KHDRBS2: variants seen among roughly 807,000 people sequenced by gnomAD.
The protein encoded by KHDRBS2 is KH domain-containing, RNA-binding, signal transduction-associated protein 2.
In KHDRBS2, 26 loss-of-function variants were observed where a neutral mutation model predicts 44.3. The observed-to-expected ratio is 0.59, with a 90% CI of 0.43 to 0.81. The LOEUF (loss-of-function observed/expected upper bound fraction) is 0.81. KHDRBS2 is among the 40% of genes least tolerant of loss of function. KHDRBS2 has a pLI of 0.00. For missense variants in KHDRBS2, 476 were observed against 433.1 expected, an observed-to-expected ratio of 1.10 and a Z score of -0.88; for synonymous variants, 194 against 151.1, an observed-to-expected ratio of 1.28 and a Z score of -2.08.
chr6:61,879,974 T>C (rs1285455162), intron 6 of KHDRBS2, among the ~76,000 whole-genome samples: 1 of 151,824 alleles, frequency 6.6e-6, no homozygotes, highest in Admixed American at 6.6e-5. Flanking sequence ...AAATTTAGCA[T>C]TGTAGGAAAA....
rs70993202 is a variant in KHDRBS2 at position 62,109,100 on chromosome 6, T to TAA, written c.220-61108_220-61107dup. Among the ~76,000 whole-genome samples, 169 of 140,662 alleles carry TAA rather than the reference T, an allele frequency of 1.2e-3. 2 individuals are homozygous for TAA. The South Asian group carries it at 0.013, about 11-fold the overall frequency. 92.3% of individuals were successfully genotyped at this position (140,662 alleles called of 152,430 possible). On this transcript the variant is annotated intron_variant, in intron 2 of 8. Transcript: ENST00000281156. ...TACCCTAAAACTTAAAGTATAATAA[T>TAA]AAAAAAAAAAAAGAAGCCAACAGTT...
At chr6:61,586,653 G>A in the KHDRBS2 span, among the ~76,000 whole-genome samples, 2 of 152,076 alleles carry the variant, frequency 1.3e-5, no homozygotes, top group Non-Finnish European at 2.9e-5. Flanking sequence ...TTTTCTACTT[G>A]AGGTTCTAGT....
the KHDRBS2 span, among the ~76,000 whole-genome samples, chr6:61,642,749 C>T: frequency 1.3e-5 from 2 of 151,952 alleles, no homozygotes; most frequent in South Asian, 4.2e-4. Flanking sequence ...GCCTATGTGC[C>T]TACATAAATA....
intron 3 of KHDRBS2, among the ~76,000 whole-genome samples, chr6:62,047,355 C>T (rs1012331704): frequency 1.3e-5 from 2 of 151,806 alleles, no homozygotes; most frequent in African/African-American, 4.8e-5. Context: ...TCTTATTGTT[C>T]TTTTGGGGGT....
chr6:62,189,222 G>T (rs2150130269), intron 1 of KHDRBS2, among the ~76,000 whole-genome samples: 1 of 152,190 alleles, frequency 6.6e-6, no homozygotes, highest in East Asian at 1.9e-4. Flanking sequence ...CTATGTAGAG[G>T]TCCATGTTGT....
intron 3 of KHDRBS2, among the ~76,000 whole-genome samples, chr6:62,001,326 TTAAG>T (rs1158481877): frequency 1.3e-5 from 2 of 151,988 alleles, no homozygotes; most frequent in South Asian, 2.1e-4. Context: ...GAATAGAATA[TTAAG>T]TAAGTTTATT....
At chr6:61,726,668 G>T (rs1453555982) in intron 7 of KHDRBS2, among the ~76,000 whole-genome samples, 2 of 151,746 alleles carry the variant, frequency 1.3e-5, no homozygotes, top group Non-Finnish European at 2.9e-5. Context: ...AACTCCCATT[G>T]ATCACTGCCA....
chr6:61,942,360 G>A (rs191327028), intron 4 of KHDRBS2, among the ~76,000 whole-genome samples: 111 of 151,498 alleles, frequency 7.3e-4, no homozygotes, highest in African/African-American at 2.6e-3. Context: ...ATATGAATGA[G>A]AAATTTACCA....
At chr6:62,083,472 C>T (rs528750301) in intron 2 of KHDRBS2, among the ~76,000 whole-genome samples, 27 of 152,178 alleles carry the variant, frequency 1.8e-4, no homozygotes, top group Non-Finnish European at 2.8e-4. Flanking sequence ...GAGGCTGTCA[C>T]ACTGACCCTC....
intron 6 of KHDRBS2, among the ~76,000 whole-genome samples, chr6:61,809,229 A>G (rs1787701296): frequency 6.6e-6 from 1 of 152,170 alleles, no homozygotes; most frequent in Admixed American, 6.6e-5. Context: ...GCAGGCATAA[A>G]AAATCAATAG....
At chr6:62,055,571 T>C (rs1462719592) in intron 2 of KHDRBS2, among the ~76,000 whole-genome samples, 1 of 152,032 alleles carries the variant, frequency 6.6e-6, no homozygotes, top group Non-Finnish European at 1.5e-5. Flanking sequence ...TTCCTAGATA[T>C]ATCATCCAGA....
intron 3 of KHDRBS2, among the ~76,000 whole-genome samples, chr6:61,983,248 T>TCTTTCTTTCTTTCTTTCTTTCTTTCTTTC (rs1416908763): frequency 4.7e-5 from 2 of 42,676 alleles, no homozygotes; most frequent in African/African-American, 1.9e-4. Context: ...TTTTTTTTTT[T>TCTTTCTTTCTTTCTTTCTTTCTTTCTTTC]TTTTTTTTTA....
intron 3 of KHDRBS2, among the ~76,000 whole-genome samples, chr6:62,040,721 A>G (rs1786295905): frequency 6.6e-6 from 1 of 152,104 alleles, no homozygotes; most frequent in Non-Finnish European, 1.5e-5. Flanking sequence ...GGATTTTCAG[A>G]ATCCTTTCAA....
At chr6:61,896,915 G>A (rs1390846352) in intron 5 of KHDRBS2, among the ~76,000 whole-genome samples, 2 of 152,044 alleles carry the variant, frequency 1.3e-5, no homozygotes, top group African/African-American at 2.4e-5. Flanking sequence ...TGTTTCTTTG[G>A]ACTTTTATGA....
intron 6 of KHDRBS2, among the ~76,000 whole-genome samples, chr6:61,781,263 T>A (rs1293760169): frequency 6.6e-6 from 1 of 152,148 alleles, no homozygotes; most frequent in Non-Finnish European, 1.5e-5. Context: ...CTCAACTCCA[T>A]ATTTATATGT....
At chr6:62,070,670 C>A (rs908706171) in intron 2 of KHDRBS2, among the ~76,000 whole-genome samples, 1 of 152,118 alleles carries the variant, frequency 6.6e-6, no homozygotes, top group African/African-American at 2.4e-5. Context: ...GACATGAACT[C>A]ATCATTTTTT....
chr6:62,165,728 A>C (rs773460965), intron 2 of KHDRBS2, among the ~76,000 whole-genome samples: 15 of 151,944 alleles, frequency 9.9e-5, no homozygotes, highest in Non-Finnish European at 2.9e-5. Flanking sequence ...TTTTAGAGAC[A>C]GGGTCTATAT....
chr6:61,542,856 G>A, the KHDRBS2 span, among the ~76,000 whole-genome samples: 1 of 151,968 alleles, frequency 6.6e-6, no homozygotes, highest in African/African-American at 2.4e-5. Flanking sequence ...GAGTTTAGGA[G>A]ATTTGGCCCT....
At chr6:62,012,968 A>G (rs1343066042) in intron 3 of KHDRBS2, among the ~76,000 whole-genome samples, 1 of 152,202 alleles carries the variant, frequency 6.6e-6, no homozygotes, top group Admixed American at 6.5e-5. Context: ...CTAGGAAATG[A>G]ACATATGGTG....
Sources: allele counts gnomAD v4.1 joint callset (sites outside exome capture counted in the v4.1 genomes callset), GRCh38; gene constraint gnomAD v4.1.1; transcripts MANE v1.5; gene names NCBI Gene and HGNC (gene_info 2026-07-23, HGNC 2026-07-21).